The following HNF4G variants were observed in gnomAD, a reference collection of about 807,000 sequenced individuals.
The protein encoded by HNF4G is hepatocyte nuclear factor 4 gamma.
HNF4G carries 21 observed loss-of-function variants against 50.9 expected under a neutral mutation model. The ratio of observed to expected loss-of-function variants is 0.41; its 90% CI spans 0.29 to 0.59. The LOEUF is 0.59. HNF4G is among the 20% of genes least tolerant of loss of function. HNF4G has a pLI of 0.26. For synonymous variants in HNF4G, 198 were observed against 185.6 expected, an observed-to-expected ratio of 1.07 and a Z score of -0.54; for missense variants, 527 against 559.4, an observed-to-expected ratio of 0.94 and a Z score of 0.58.
chr8:75,467,283 T>C (rs1407659679), intron 1 of HNF4G, among the ~76,000 whole-genome samples: 1 of 152,244 alleles, frequency 6.6e-6, no homozygotes, highest in Non-Finnish European at 1.5e-5. Context: ...TTTCTTCTGC[T>C]GTCCTTAACC....
chr8:75,521,227 G>A (rs1806032583), intron 2 of HNF4G, among the ~76,000 whole-genome samples: 1 of 152,100 alleles, frequency 6.6e-6, no homozygotes, highest in Non-Finnish European at 1.5e-5. Context: ...AGTTTTCCCA[G>A]ATAGAATGAG....
intron 1 of HNF4G, among the ~76,000 whole-genome samples, chr8:75,483,566 C>T (rs1263887791): frequency 6.6e-6 from 1 of 152,128 alleles, no homozygotes; most frequent in Non-Finnish European, 1.5e-5. Context: ...CAAGTGGACT[C>T]GCAGTCTAAA....
chr8:75,559,182 T>C, intron 8 of HNF4G, 145 bp downstream of exon 8: 2 of 647,432 alleles, frequency 3.1e-6, no homozygotes, highest in Non-Finnish European at 5.5e-6. Context: ...TATGACATAA[T>C]GAACTCAAGG....
At chr8:75,470,160 A>G (rs1812081388) in intron 1 of HNF4G, among the ~76,000 whole-genome samples, 1 of 152,192 alleles carries the variant, frequency 6.6e-6, no homozygotes, top group South Asian at 2.1e-4. Context: ...GCCTTTCAGG[A>G]TTCTCTTACG....
At chr8:75,413,865 A>T (rs1185277202) in intron 1 of HNF4G, among the ~76,000 whole-genome samples, 7 of 86,770 alleles carry the variant, frequency 8.1e-5, no homozygotes, top group African/African-American at 1.6e-4. Flanking sequence ...TAAAAGATTT[A>T]AAAAAAAATA....
chr8:75,489,737 C>T (rs1812578665), intron 1 of HNF4G, among the ~76,000 whole-genome samples: 1 of 152,166 alleles, frequency 6.6e-6, no homozygotes, highest in South Asian at 2.1e-4. Context: ...GGTGAAATCA[C>T]CATTTTATCT....
At chr8:75,464,962 C>T (rs1811933792) in intron 1 of HNF4G, among the ~76,000 whole-genome samples, 1 of 152,054 alleles carries the variant, frequency 6.6e-6, no homozygotes, top group Non-Finnish European at 1.5e-5. Flanking sequence ...GGGTGGTAAA[C>T]CTTGTTTTCT....
chr8:75,453,785 G>GT (rs1331265730), intron 1 of HNF4G, among the ~76,000 whole-genome samples: 1 of 151,990 alleles, frequency 6.6e-6, no homozygotes, highest in Non-Finnish European at 1.5e-5. Context: ...TGATCCTAAT[G>GT]TTTTTTGCTT....
At chr8:75,518,907 G>T (rs1390579214) in intron 2 of HNF4G, among the ~76,000 whole-genome samples, 1 of 152,108 alleles carries the variant, frequency 6.6e-6, no homozygotes, top group Non-Finnish European at 1.5e-5. Context: ...CTCAGAAAAT[G>T]GGTTTTTCTT....
chr8:75,554,080 G>A (rs1585952512), intron 5 of HNF4G, among the ~76,000 whole-genome samples: 1 of 151,968 alleles, frequency 6.6e-6, no homozygotes, highest in Admixed American at 6.6e-5. Flanking sequence ...CGTTTCACCT[G>A]GTGACAGGAA....
chr8:75,468,649 A>G (rs1812046778), intron 1 of HNF4G, among the ~76,000 whole-genome samples: 1 of 152,062 alleles, frequency 6.6e-6, no homozygotes, highest in Admixed American at 6.5e-5. Context: ...AGCCAAGATC[A>G]TGCCACTGCA....
intron 3 of HNF4G, among the ~76,000 whole-genome samples, chr8:75,550,645 T>G (rs1468881125): frequency 6.6e-6 from 1 of 152,132 alleles, no homozygotes; most frequent in Non-Finnish European, 1.5e-5. Context: ...CCTGTCACTC[T>G]TCCTTATATT....
At chr8:75,551,666 T>C (rs1806964264) in intron 4 of HNF4G, among the ~76,000 whole-genome samples, 172 bp downstream of exon 4, 1 of 152,238 alleles carries the variant, frequency 6.6e-6, no homozygotes, top group Non-Finnish European at 1.5e-5. Flanking sequence ...CTGACTTAAT[T>C]TTGACTGTTC....
intron 1 of HNF4G, among the ~76,000 whole-genome samples, chr8:75,486,927 G>C (rs1233043053): frequency 6.6e-6 from 1 of 152,148 alleles, no homozygotes; most frequent in African/African-American, 2.4e-5. Flanking sequence ...ACTTGAGCCT[G>C]GGAGATCGAG....
intron 1 of HNF4G, among the ~76,000 whole-genome samples, chr8:75,479,705 G>A (rs1182566311): frequency 6.6e-6 from 1 of 151,574 alleles, no homozygotes; most frequent in African/African-American, 2.4e-5. Context: ...TAAGAAAAAT[G>A]TTCTGCATTT....
chr8:75,547,006 A>G (rs1806800764), intron 2 of HNF4G, among the ~76,000 whole-genome samples: 1 of 152,014 alleles, frequency 6.6e-6, no homozygotes, highest in Non-Finnish European at 1.5e-5. Context: ...GAGGGCTCCA[A>G]TTTTTCCACA....
intron 2 of HNF4G, among the ~76,000 whole-genome samples, chr8:75,529,269 C>A (rs1203986025): frequency 6.6e-6 from 1 of 151,620 alleles, no homozygotes; most frequent in African/African-American, 2.4e-5. Context: ...CCAGCCTGGG[C>A]AACGGAGCGA....
intron 1 of HNF4G, 111 bp downstream of exon 1, chr8:75,540,191 G>T (rs765594481): frequency 7.8e-6 from 5 of 638,036 alleles, no homozygotes; most frequent in African/African-American, 1.9e-5. Flanking sequence ...GGAGAGTTTA[G>T]GGCTTGCTTT....
intron 1 of HNF4G, among the ~76,000 whole-genome samples, chr8:75,416,373 T>C (rs990532330): frequency 6.6e-6 from 1 of 152,180 alleles, no homozygotes; most frequent in African/African-American, 2.4e-5. Flanking sequence ...CATTTTCTTT[T>C]TTTTCTTCAG....
Sources: gnomAD v4.1 joint callset for allele counts (sites outside exome capture counted in the v4.1 genomes callset) on GRCh38, gnomAD v4.1.1 for gene constraint, MANE v1.5 for transcripts, NCBI Gene and HGNC (gene_info 2026-07-23, HGNC 2026-07-21) for gene names.